Variants in AGTPBP1 observed in about 807,000 individuals in gnomAD.
The protein encoded by AGTPBP1 is ATP/GTP binding carboxypeptidase 1.
Under a neutral mutation model 143.9 loss-of-function variants are expected in AGTPBP1, and 70 were observed. The observed-to-expected ratio is 0.49, with a 90% CI of 0.40 to 0.59. The LOEUF (loss-of-function observed/expected upper bound fraction) is 0.59. Among genes scored for constraint, AGTPBP1 ranks in the 20% least tolerant of loss-of-function variants. The probability of loss-of-function intolerance (pLI) is 0.00; values close to 1 mark genes in which losing one functional copy is unlikely to be tolerated. For synonymous variants in AGTPBP1, 463 were observed against 500.2 expected, an observed-to-expected ratio of 0.93 and a Z score of 0.99; for missense variants, 1,229 against 1,464.5, an observed-to-expected ratio of 0.84 and a Z score of 2.62.
rs770086073 is a variant in AGTPBP1, at chr9:85,669,565, T to C, written c.582A>G (p.Val194=). 4 of 1,611,136 alleles carry C rather than the reference T, an allele frequency of 2.5e-6. No homozygotes were observed. The highest frequency in any genetic ancestry group is 3.4e-6 in the Non-Finnish European group (4 of 1,177,866). The part of the protein sequence containing the change: ...RVYSANSVNS[V]SLGKNGVVEL... ...CCACAACTCCATTTTTCCCTAAGGA[T>C]ACTGAATTCACAGCTGAGAGGGGGA... The change falls in exon 8 of 26, where the codon GTA becomes GTG. Residue 194 remains valine (V), a synonymous_variant. Coordinates refer to ENST00000357081, the MANE Select transcript of AGTPBP1 (RefSeq NM_001330701.2).
chr9:85,723,046 G>T (rs979855794), intron 1 of AGTPBP1, among the ~76,000 whole-genome samples: 12 of 152,278 alleles, frequency 7.9e-5, no homozygotes, highest in African/African-American at 2.6e-4. Context: ...TCCTCTGGAA[G>T]CTTCATCCCA....
chr9:85,576,725 G>A (rs371585890), intron 24 of AGTPBP1, among the ~76,000 whole-genome samples: 2 of 152,216 alleles, frequency 1.3e-5, no homozygotes, highest in East Asian at 1.9e-4. Flanking sequence ...TGGAGAGGTT[G>A]GGAATATATG....
intron 25 of AGTPBP1, among the ~76,000 whole-genome samples, chr9:85,572,020 T>G (rs1444720294): frequency 2.2e-4 from 15 of 67,084 alleles, no homozygotes; most frequent in African/African-American, 7.8e-4. Flanking sequence ...TTTTTTTTTT[T>G]TTTTTTTTTT....
intron 13 of AGTPBP1, among the ~76,000 whole-genome samples, chr9:85,637,769 G>A (rs1832168997): frequency 6.6e-6 from 1 of 152,188 alleles, no homozygotes; most frequent in South Asian, 2.1e-4. Context: ...CTGAACTTAA[G>A]TGAAACTTAC....
At chr9:85,743,857 C>T (rs141246326), upstream of AGTPBP1, among the ~76,000 whole-genome samples, 74 of 152,210 alleles carry the variant, frequency 4.9e-4, 1 homozygote, top group Admixed American at 3.9e-4. Flanking sequence ...CCATCTCTCC[C>T]GAGAACCTCA....
chr9:85,741,092 G>A (rs558778718), intron 1 of AGTPBP1, among the ~76,000 whole-genome samples: 1 of 152,200 alleles, frequency 6.6e-6, no homozygotes, highest in African/African-American at 2.4e-5. Flanking sequence ...TTGCAATTGA[G>A]AACCCGCAAT....
chr9:85,678,461 C>T (rs547442904), intron 4 of AGTPBP1, 63 bp from the exon 5 acceptor site: 12 of 1,049,614 alleles, frequency 1.1e-5, no homozygotes, highest in African/African-American at 1.6e-5. Flanking sequence ...CTTTTGAATC[C>T]ACTGGGAACT....
At chr9:85,592,861 A>G (rs1792864486) in intron 18 of AGTPBP1, among the ~76,000 whole-genome samples, 157 bp from the exon 19 acceptor site, 1 of 152,218 alleles carries the variant, frequency 6.6e-6, no homozygotes, top group Admixed American at 6.5e-5. Context: ...TAGTACTAAT[A>G]AAGCAGTAAA....
intron 25 of AGTPBP1, among the ~76,000 whole-genome samples, chr9:85,571,364 T>C (rs528026412): frequency 2.6e-4 from 39 of 152,024 alleles, no homozygotes; most frequent in African/African-American, 9.2e-4. Flanking sequence ...CAAAGAATGA[T>C]GAGGAAATAT....
intron 6 of AGTPBP1, 68 bp downstream of exon 6, chr9:85,677,368 C>T: frequency 1.4e-6 from 2 of 1,421,754 alleles, no homozygotes; most frequent in South Asian, 2.5e-5. Flanking sequence ...TGAGTAGTTA[C>T]AAGGTGAGAG....
At chr9:85,741,538 G>A (rs1824280749) in intron 1 of AGTPBP1, 3 of 985,284 alleles carry the variant, frequency 3.0e-6, no homozygotes, top group African/African-American at 1.7e-5. Flanking sequence ...GGGGACTGGG[G>A]AAGGCGTTTT....
chr9:85,759,996 C>T, the AGTPBP1 span, among the ~76,000 whole-genome samples: 35 of 152,176 alleles, frequency 2.3e-4, no homozygotes, highest in African/African-American at 4.8e-4. Context: ...AACACCTCTA[C>T]GCAAATAAAC....
chr9:85,705,063 T>C (rs1171515520), intron 2 of AGTPBP1, among the ~76,000 whole-genome samples: 1 of 151,622 alleles, frequency 6.6e-6, no homozygotes, highest in African/African-American at 2.4e-5. Context: ...GTGAACCAAT[T>C]TCAAGGAAAG....
At chr9:85,687,755 A>G (rs148667380) in intron 3 of AGTPBP1, among the ~76,000 whole-genome samples, 18 of 152,268 alleles carry the variant, frequency 1.2e-4, no homozygotes, top group Non-Finnish European at 1.3e-4. Flanking sequence ...TGCCTCCAGT[A>G]GAAATAAAGG....
chr9:85,634,610 T>C (rs1211173868), intron 13 of AGTPBP1, among the ~76,000 whole-genome samples: 2 of 152,128 alleles, frequency 1.3e-5, no homozygotes, highest in African/African-American at 4.8e-5. Flanking sequence ...TAGTGCAGGG[T>C]TTCTGAATGA....
At chr9:85,657,028 T>C (rs1005820456) in intron 10 of AGTPBP1, among the ~76,000 whole-genome samples, 2 of 146,906 alleles carry the variant, frequency 1.4e-5, no homozygotes, top group Non-Finnish European at 3.0e-5. Context: ...TGGGGACTGT[T>C]GTGGGGTGGG....
intron 25 of AGTPBP1, among the ~76,000 whole-genome samples, chr9:85,568,769 T>G (rs1023929908): frequency 1.3e-5 from 2 of 152,158 alleles, no homozygotes; most frequent in Non-Finnish European, 2.9e-5. Context: ...CAAAAAGTTC[T>G]GGGTGATGGA....
intron 23 of AGTPBP1, among the ~76,000 whole-genome samples, chr9:85,579,614 G>A (rs1480955690): frequency 1.3e-5 from 2 of 150,212 alleles, no homozygotes; most frequent in Non-Finnish European, 3.0e-5. Flanking sequence ...GCGAGGGGGG[G>A]GGTGTAAGGC....
chr9:85,604,856 T>C (rs1277042526), intron 17 of AGTPBP1, among the ~76,000 whole-genome samples: 1 of 152,120 alleles, frequency 6.6e-6, no homozygotes, highest in African/African-American at 2.4e-5. Context: ...GAATGCATTA[T>C]AGTGTCTCAG....
Sources: allele counts gnomAD v4.1 joint callset (sites outside exome capture counted in the v4.1 genomes callset), GRCh38; gene constraint gnomAD v4.1.1; transcripts MANE v1.5; gene names NCBI Gene and HGNC (gene_info 2026-07-23, HGNC 2026-07-21).